UNC13C: variants seen among roughly 807,000 people sequenced by gnomAD.
UNC13C encodes protein unc-13 homolog C.
UNC13C carries 174 observed loss-of-function variants against 245.4 expected under a neutral mutation model. That is an observed-to-expected ratio of 0.71 (90% CI 0.63 to 0.80). The LOEUF (loss-of-function observed/expected upper bound fraction) is 0.80, where lower values mean the gene tolerates loss of function less well. Among genes scored for constraint, UNC13C ranks in the 30% least tolerant of loss-of-function variants. The pLI is 0.00. For missense variants in UNC13C, 2,829 were observed against 2,602.9 expected, an observed-to-expected ratio of 1.09 and a Z score of -1.89; for synonymous variants, 992 against 895.1, an observed-to-expected ratio of 1.11 and a Z score of -1.93.
chr15:54,490,802 A>G (rs1011174366), intron 19 of UNC13C, among the ~76,000 whole-genome samples: 5 of 152,306 alleles, frequency 3.3e-5, no homozygotes, highest in Admixed American at 2.6e-4. Context: ...GGACATGCAC[A>G]CATCTTAAAT....
chr15:54,134,184 C>G (rs2031598694), intron 2 of UNC13C, among the ~76,000 whole-genome samples: 1 of 151,616 alleles, frequency 6.6e-6, no homozygotes, highest in South Asian at 2.1e-4. Flanking sequence ...CATCTTATAA[C>G]TGAAAGTTTG....
At chr15:54,594,252 G>C (rs910353458) in intron 30 of UNC13C, among the ~76,000 whole-genome samples, 3 of 152,146 alleles carry the variant, frequency 2.0e-5, no homozygotes, top group African/African-American at 4.8e-5. Flanking sequence ...TGGACTCCAT[G>C]GGGGCTCTTA....
intron 26 of UNC13C, among the ~76,000 whole-genome samples, chr15:54,537,707 A>G (rs1896044861): frequency 6.6e-6 from 1 of 152,044 alleles, no homozygotes; most frequent in South Asian, 2.1e-4. Context: ...GATCTTCAAC[A>G]AAGTCAACAA....
intron 24 of UNC13C, among the ~76,000 whole-genome samples, chr15:54,516,761 C>T (rs28690435): frequency 0.14 from 20,860 of 147,982 alleles, 1,543 homozygotes; most frequent in Middle Eastern, 0.2. Context: ...GATCGCACCA[C>T]GGCACTCCAG....
intron 2 of UNC13C, among the ~76,000 whole-genome samples, chr15:54,140,096 A>G (rs1164358967): frequency 2.6e-5 from 4 of 152,028 alleles, no homozygotes; most frequent in Non-Finnish European, 5.9e-5. Context: ...ATTTTTATAG[A>G]TTCATCTCAT....
chr15:54,239,604 CCA>C (rs2035797768), intron 7 of UNC13C, among the ~76,000 whole-genome samples: 1 of 150,014 alleles, frequency 6.7e-6, no homozygotes, highest in Non-Finnish European at 1.5e-5. Context: ...GCATATGCCA[CCA>C]CACTCAGCTA....
the UNC13C span, among the ~76,000 whole-genome samples, chr15:53,841,908 A>G: frequency 6.6e-6 from 1 of 152,286 alleles, no homozygotes; most frequent in Non-Finnish European, 1.5e-5. Flanking sequence ...CTACTTCTTA[A>G]CTGTAGACTC....
downstream of UNC13C, chr15:54,631,384 TTC>T (rs990964775): frequency 6.6e-6 from 1 of 152,138 alleles, no homozygotes; most frequent in African/African-American, 2.4e-5. Context: ...TATACTAAAA[TTC>T]TCTCTTTTGG....
At chr15:54,073,112 ATAAG>A (rs1481799794) in intron 2 of UNC13C, among the ~76,000 whole-genome samples, 1 of 151,824 alleles carries the variant, frequency 6.6e-6, no homozygotes, top group African/African-American at 2.4e-5. Context: ...ACTCCCACTT[ATAAG>A]TGAGAACATG....
intron 19 of UNC13C, among the ~76,000 whole-genome samples, chr15:54,435,004 G>A (rs1346222469): frequency 6.6e-6 from 1 of 152,056 alleles, no homozygotes; most frequent in Non-Finnish European, 1.5e-5. Context: ...GTTCATTAGA[G>A]ACATGGAAAT....
chr15:53,892,450 G>C, the UNC13C span, among the ~76,000 whole-genome samples: 1 of 152,172 alleles, frequency 6.6e-6, no homozygotes, highest in South Asian at 2.1e-4. Context: ...AGTTCTCCTG[G>C]ATAATATCCT....
At chr15:53,955,996 C>T in the UNC13C span, among the ~76,000 whole-genome samples, 1 of 152,108 alleles carries the variant, frequency 6.6e-6, no homozygotes, top group Non-Finnish European at 1.5e-5. Context: ...ACCATACAGT[C>T]ATAAAAATAA....
At chr15:54,632,321 G>A (rs1318047482), downstream of UNC13C, 3 of 152,042 alleles carry the variant, frequency 2.0e-5, no homozygotes, top group Non-Finnish European at 4.4e-5. Flanking sequence ...AGAACAAAAG[G>A]TTTTCACTTC....
intron 2 of UNC13C, among the ~76,000 whole-genome samples, chr15:54,083,698 C>T (rs910040684): frequency 4.6e-5 from 7 of 152,156 alleles, no homozygotes; most frequent in African/African-American, 1.4e-4. Context: ...CTCCCTCCTC[C>T]CTTGGGGCAG....
intron 4 of UNC13C, among the ~76,000 whole-genome samples, chr15:54,214,291 T>G (rs2034973103): frequency 6.6e-6 from 1 of 152,084 alleles, no homozygotes; most frequent in South Asian, 2.1e-4. Flanking sequence ...TATTCTTTTC[T>G]TTCGCTAGTC....
chr15:53,869,459 G>A, the UNC13C span, among the ~76,000 whole-genome samples: 2 of 152,014 alleles, frequency 1.3e-5, no homozygotes, highest in Admixed American at 6.5e-5. Context: ...TTCCCTTGTG[G>A]GCTTAATCAT....
At chr15:54,459,314 A>G (rs141434466) in intron 19 of UNC13C, among the ~76,000 whole-genome samples, 104 of 152,300 alleles carry the variant, frequency 6.8e-4, no homozygotes, top group South Asian at 2.1e-3. Context: ...CTTTTGTCTT[A>G]TAGCCCTTAA....
chr15:53,961,341 G>A, the UNC13C span, among the ~76,000 whole-genome samples: 1 of 152,240 alleles, frequency 6.6e-6, no homozygotes, highest in Non-Finnish European at 1.5e-5. Context: ...CACCTCTCAG[G>A]AAGTTACTTT....
chr15:53,911,913 C>T, the UNC13C span: 1 of 152,274 alleles, frequency 6.6e-6, no homozygotes, highest in Non-Finnish European at 1.5e-5. Flanking sequence ...GTTCTCACCC[C>T]GTATGTAGGA....
Sources: allele counts gnomAD v4.1 joint callset (sites outside exome capture counted in the v4.1 genomes callset), GRCh38; gene constraint gnomAD v4.1.1; transcripts MANE v1.5; gene names NCBI Gene and HGNC (gene_info 2026-07-23, HGNC 2026-07-21).